Variants in GCNT1 observed in about 807,000 individuals in gnomAD.
GCNT1 encodes the protein beta-1,3-galactosyl-O-glycosyl-glycoprotein beta-1,6-N-acetylglucosaminyltransferase.
GCNT1 carries 16 observed loss-of-function variants against 26.2 expected under a neutral mutation model. That is an observed-to-expected ratio of 0.61 (90% CI 0.41 to 0.93). The LOEUF is 0.93. Among genes scored for constraint, GCNT1 ranks in the 40% least tolerant of loss-of-function variants. The pLI is 0.00. For missense variants in GCNT1, 477 were observed against 526.7 expected (o/e 0.91, Z 0.92); for synonymous variants, 183 against 190.8 (o/e 0.96, Z 0.34).
At chr9:76,487,983 C>G (rs913441237) in intron 2 of GCNT1, among the ~76,000 whole-genome samples, 27 of 152,198 alleles carry the variant, frequency 1.8e-4, no homozygotes, top group Admixed American at 1.3e-3. Flanking sequence ...ATCCACTCGC[C>G]TCCACCTCCC....
the GCNT1 span, chr9:76,399,229 G>T: frequency 4.7e-4 from 706 of 1,501,192 alleles, 3 homozygotes; most frequent in African/African-American, 8.8e-3. Flanking sequence ...TGTGGTAGAT[G>T]CTGGCTCGGG....
chr9:76,506,887 G>A lies in GCNT1; in HGVS notation c.*3219G>A, dbSNP rs1825252712. 1 of 166,414 alleles carries A rather than the reference G, an allele frequency of 6.0e-6. No individual in the cohort carries two copies. The highest frequency in any genetic ancestry group is 2.1e-4 in the South Asian group (1 of 4,826). The allele number at this position is 166,414 out of a possible 1,614,324, so 10.3% of individuals were successfully genotyped here. A position where few individuals can be genotyped will look rare whatever the true frequency, so the allele number is the denominator to read the frequency against. ...GGGTCGATTGAATTGGACCTTTTCAGTTGTTCAGAAAAATAAAAATAATTT... is the reference window on the plus strand; with the variant it reads ...GGGTCGATTGAATTGGACCTTTTCAATTGTTCAGAAAAATAAAAATAATTT... On this transcript the variant is annotated 3_prime_UTR_variant, in exon 4 of 4. Transcript: ENST00000376730.
At chr9:76,473,402 A>G (rs570233920) in intron 2 of GCNT1, among the ~76,000 whole-genome samples, 1 of 152,326 alleles carries the variant, frequency 6.6e-6, no homozygotes. Context: ...ATTTGTTAGT[A>G]AACTGGAAAT....
intron 2 of GCNT1, among the ~76,000 whole-genome samples, chr9:76,496,631 A>G (rs1824914322): frequency 6.6e-6 from 1 of 152,136 alleles, no homozygotes; most frequent in Non-Finnish European, 1.5e-5. Context: ...CCTTAGGGGC[A>G]CCTGATACCT....
chr9:76,416,640 C>T (rs545049760), upstream of GCNT1, among the ~76,000 whole-genome samples: 12 of 152,346 alleles, frequency 7.9e-5, no homozygotes, highest in Admixed American at 2.6e-4. Flanking sequence ...GCAAGTCCCA[C>T]GAAGGGATCC....
chr9:76,397,982 T>C, the GCNT1 span, among the ~76,000 whole-genome samples: 6 of 152,174 alleles, frequency 3.9e-5, no homozygotes, highest in African/African-American at 1.4e-4. Flanking sequence ...AAATCTAGAG[T>C]TGAGAGTCTA....
At chr9:76,405,982 T>G in the GCNT1 span, among the ~76,000 whole-genome samples, 1 of 152,224 alleles carries the variant, frequency 6.6e-6, no homozygotes, top group Non-Finnish European at 1.5e-5. Flanking sequence ...TGTAACAAAA[T>G]GACTATACCA....
chr9:76,400,990 A>G, the GCNT1 span, among the ~76,000 whole-genome samples: 1 of 152,192 alleles, frequency 6.6e-6, no homozygotes, highest in African/African-American at 2.4e-5. Flanking sequence ...TCACCATAGC[A>G]CCTCATAAAG....
intron 1 of GCNT1, among the ~76,000 whole-genome samples, chr9:76,443,412 T>A (rs949125639): frequency 3.3e-5 from 5 of 152,182 alleles, no homozygotes; most frequent in African/African-American, 4.8e-5. Context: ...GTATCCCTTA[T>A]GGGAAACGAA....
intron 1 of GCNT1, chr9:76,420,262 T>G (rs1823171316): frequency 6.6e-6 from 1 of 152,142 alleles, no homozygotes; most frequent in South Asian, 2.1e-4. Context: ...TTTTTGTTTG[T>G]TTTTATATTT....
upstream of GCNT1, among the ~76,000 whole-genome samples, chr9:76,418,155 G>T (rs1359294548): frequency 6.6e-6 from 1 of 152,092 alleles, no homozygotes; most frequent in East Asian, 1.9e-4. Context: ...GGGGAGGAGG[G>T]GTTCCAGGTT....
chr9:76,468,139 C>T (rs1320234028), intron 2 of GCNT1, among the ~76,000 whole-genome samples: 3 of 151,950 alleles, frequency 2.0e-5, no homozygotes, highest in Admixed American at 6.6e-5. Context: ...TCAGGTGATC[C>T]GCCTGCCTGG....
chr9:76,409,636 G>A, the GCNT1 span, among the ~76,000 whole-genome samples: 1 of 151,998 alleles, frequency 6.6e-6, no homozygotes, highest in Non-Finnish European at 1.5e-5. Context: ...AGTAGAGACG[G>A]AGTTTCACCA....
At chr9:76,428,680 C>T (rs936563139) in intron 1 of GCNT1, among the ~76,000 whole-genome samples, 1 of 150,588 alleles carries the variant, frequency 6.6e-6, no homozygotes. Context: ...CTTTGAATAA[C>T]GTAGCTGTTG....
rs1323031124 is a variant in GCNT1 at position 76,505,114 on chromosome 9, T to C, written c.*1446T>C. The C allele has an allele frequency of 1.2e-5, 5 of 411,456 alleles. No homozygotes were observed. The highest frequency in any genetic ancestry group is 8.8e-5 in the Admixed American group (2 of 22,674). The allele number at this position is 411,456 out of a possible 1,614,324, so 25.5% of individuals were successfully genotyped here. Reference sequence around the variant, plus strand: ...TACCAGGAACTGTGAGGCTTTGTCATTTAGCATTAGACTTTAAACAAGAAT... The same window carrying C: ...TACCAGGAACTGTGAGGCTTTGTCACTTAGCATTAGACTTTAAACAAGAAT... On this transcript the variant is annotated 3_prime_UTR_variant, in exon 4 of 4. Transcript: ENST00000376730.
At chr9:76,411,816 C>T in the GCNT1 span, among the ~76,000 whole-genome samples, 1 of 151,078 alleles carries the variant, frequency 6.6e-6, no homozygotes, top group Non-Finnish European at 1.5e-5. Flanking sequence ...ATTCTCCTAC[C>T]TCAGCTTCCT....
chr9:76,463,405 T>G (rs1823919232), intron 2 of GCNT1, among the ~76,000 whole-genome samples: 2 of 152,224 alleles, frequency 1.3e-5, no homozygotes, highest in South Asian at 4.1e-4. Context: ...AGAGTAAGGT[T>G]GTGGTCACAA....
intron 2 of GCNT1, among the ~76,000 whole-genome samples, chr9:76,477,601 G>A (rs543175910): frequency 2.6e-5 from 4 of 151,878 alleles, no homozygotes; most frequent in Admixed American, 1.3e-4. Flanking sequence ...ATCTAGTCAC[G>A]TCGTAGTAAG....
At chr9:76,489,744 T>TC (rs554435090) in intron 2 of GCNT1, among the ~76,000 whole-genome samples, 12,531 of 151,840 alleles carry the variant, frequency 0.083, 574 homozygotes, top group Middle Eastern at 0.17. Flanking sequence ...CACCTCTCAA[T>TC]CCCCCCTCTA....
Sources: allele counts gnomAD v4.1 joint callset (sites outside exome capture counted in the v4.1 genomes callset), GRCh38; gene constraint gnomAD v4.1.1; transcripts MANE v1.5; gene names NCBI Gene and HGNC (gene_info 2026-07-23, HGNC 2026-07-21).